The following CACNB2 variants were observed in gnomAD, a reference collection of about 807,000 sequenced individuals.
CACNB2 encodes the protein calcium voltage-gated channel auxiliary subunit beta 2.
CACNB2 carries 42 observed loss-of-function variants against 73.3 expected under a neutral mutation model. The ratio of observed to expected loss-of-function variants is 0.57; its 90% confidence interval spans 0.45 to 0.74. CACNB2 has a LOEUF of 0.74. CACNB2 is among the 30% of genes least tolerant of loss of function. The pLI, the probability that CACNB2 is intolerant of heterozygous loss-of-function variation, is 0.00. For missense variants in CACNB2, 940 were observed against 853.0 expected, an observed-to-expected ratio of 1.10 and a Z score of -1.27; for synonymous variants, 348 against 310.3, an observed-to-expected ratio of 1.12 and a Z score of -1.28.
At chr10:18,163,175 C>CA (rs1249017597) in intron 2 of CACNB2, among the ~76,000 whole-genome samples, 1 of 152,142 alleles carries the variant, frequency 6.6e-6, no homozygotes, top group East Asian at 1.9e-4. Context: ...GCATGCTGAC[C>CA]ATGTGCTAGC....
intron 3 of CACNB2, among the ~76,000 whole-genome samples, chr10:18,420,328 C>G (rs905228994): frequency 1.6e-5 from 2 of 128,736 alleles, no homozygotes; most frequent in African/African-American, 2.7e-5. Flanking sequence ...CACACACACA[C>G]ACAGAGAGAG....
intron 6 of CACNB2, among the ~76,000 whole-genome samples, chr10:18,509,738 C>A (rs1418531873): frequency 6.6e-6 from 1 of 152,058 alleles, no homozygotes; most frequent in African/African-American, 2.4e-5. Flanking sequence ...TGCACTGAGC[C>A]ATGATTATGT....
chr10:18,174,326 C>G (rs913233690), intron 2 of CACNB2, among the ~76,000 whole-genome samples: 1 of 143,838 alleles, frequency 7.0e-6, no homozygotes, highest in Admixed American at 7.1e-5. Context: ...CCTCCCCCCT[C>G]TTTTCTTTTC....
chr10:18,420,545 CCTT>C (rs2045263622), intron 3 of CACNB2, among the ~76,000 whole-genome samples: 2 of 152,258 alleles, frequency 1.3e-5, no homozygotes, highest in South Asian at 4.1e-4. Flanking sequence ...GTGAATTCCT[CCTT>C]CTTCTACCTT....
chr10:18,339,896 T>C (rs1249756746), intron 2 of CACNB2, among the ~76,000 whole-genome samples: 1 of 152,196 alleles, frequency 6.6e-6, no homozygotes, highest in Non-Finnish European at 1.5e-5. Context: ...CTGTGGGCCA[T>C]AGCTTGCCAT....
chr10:18,530,343 T>C (rs986460922), intron 10 of CACNB2, among the ~76,000 whole-genome samples: 3 of 152,096 alleles, frequency 2.0e-5, no homozygotes, highest in East Asian at 1.9e-4. Flanking sequence ...CTCTTTCTCA[T>C]AGTGTTTGTT....
rs546385672 is a variant in CACNB2, at chr10:18,482,606, G to T, written c.334-15749G>T. ...GTTCACTGCAACCTCCACCTCCCGG[G>T]TTCAAGCGATTCTCCTGCCTCAACC... is the stretch of plus-strand genomic sequence containing the variant. On this transcript the variant is annotated intron_variant, in intron 3 of 13. Transcript: ENST00000324631. Among the ~76,000 whole-genome samples the T allele has an allele frequency of 4.0e-4, 61 of 152,272 alleles. 1 individual carries two copies. Among genetic ancestry groups the T allele is most frequent in the South Asian group, 3.7e-3 (18 of 4,824 alleles).
intron 3 of CACNB2, among the ~76,000 whole-genome samples, chr10:18,481,315 C>T (rs1364001662): frequency 9.5e-5 from 12 of 126,144 alleles, no homozygotes; most frequent in African/African-American, 3.0e-4. Flanking sequence ...GGCATGATCT[C>T]GGCTCACTGC....
At chr10:18,461,246 C>A (rs913979770) in intron 3 of CACNB2, among the ~76,000 whole-genome samples, 1 of 152,184 alleles carries the variant, frequency 6.6e-6, no homozygotes, top group Non-Finnish European at 1.5e-5. Context: ...AGCATCCCTT[C>A]TTCAATTACA....
rs2051164556 is a variant in CACNB2 at position 18,515,295 on chromosome 10, T to C, written c.804+926T>C. Among the ~76,000 whole-genome samples the C allele has an allele frequency of 2.0e-5, 3 of 151,522 alleles. No homozygotes were observed. In the Admixed American group the frequency reaches 2.0e-4, roughly 10 times the overall value. ...TTTTGTAGCTTTAAAGCATTATTTT[T>C]TAAGGACCACTAACCTCCCCCCAAA... On this transcript the variant is annotated intron_variant, in intron 7 of 13. Coordinates refer to ENST00000324631, the MANE Select transcript of CACNB2 (RefSeq NM_201596.3).
Position 18,465,675 on chromosome 10 carries a change from ACTT to A in CACNB2, c.334-32673_334-32671del, listed in dbSNP as rs976168412. 6.2e-5 allele frequency among the ~76,000 whole-genome samples: 9 copies of A among 144,898 alleles called. No individual in the cohort carries two copies. In the South Asian group the frequency reaches 6.6e-4, roughly 11 times the overall value. The stretch of plus-strand genomic sequence containing the variant: ...ATCCCAAAGATAAGTACGTCATCCA[ACTT>A]CTTCTTTTTTTTTTTTTTTTCAAGA... On this transcript the variant is annotated intron_variant, in intron 3 of 13. Coordinates refer to ENST00000324631, the MANE Select transcript of CACNB2 (RefSeq NM_201596.3).
chr10:18,495,331 T>C (rs978845265), intron 3 of CACNB2, among the ~76,000 whole-genome samples: 16 of 151,704 alleles, frequency 1.1e-4, no homozygotes, highest in African/African-American at 3.9e-4. Context: ...GTGATTCTCC[T>C]GTCTCAGCCT....
At chr10:18,488,584 C>T (rs1054060297) in intron 3 of CACNB2, among the ~76,000 whole-genome samples, 3 of 151,214 alleles carry the variant, frequency 2.0e-5, no homozygotes, top group African/African-American at 7.3e-5. Flanking sequence ...AATAGGTTAC[C>T]TTTATGAGGG....
chr10:18,471,031 G>C (rs958518175), intron 3 of CACNB2, among the ~76,000 whole-genome samples: 1 of 152,142 alleles, frequency 6.6e-6, no homozygotes, highest in Non-Finnish European at 1.5e-5. Context: ...AGGGCCGGGT[G>C]CGGTGGGTCA....
rs532188778 is a variant in CACNB2, at chr10:18,437,861, G to C, written c.333+35818G>C. ...ATTATTTATGGCTAGATCTTTTAAAGAGTTTTTGTAATCGAGGCAAATTGA... is the reference window on the plus strand; with the variant it reads ...ATTATTTATGGCTAGATCTTTTAAACAGTTTTTGTAATCGAGGCAAATTGA... On this transcript the variant is annotated intron_variant, in intron 3 of 13. Coordinates refer to ENST00000324631, the MANE Select transcript of CACNB2 (RefSeq NM_201596.3). Among the ~76,000 whole-genome samples the C allele has an allele frequency of 5.9e-5, 9 of 152,176 alleles. No individual in the cohort carries two copies. In the East Asian group the frequency reaches 1.7e-3, roughly 29 times the overall value.
At chr10:18,411,014 C>T (rs760418522) in intron 3 of CACNB2, among the ~76,000 whole-genome samples, 5 of 151,976 alleles carry the variant, frequency 3.3e-5, no homozygotes, top group South Asian at 2.1e-4. Flanking sequence ...AATCCAGCAG[C>T]GATACCTTAT....
At chr10:18,431,312 A>G (rs888317518) in intron 3 of CACNB2, among the ~76,000 whole-genome samples, 4 of 151,920 alleles carry the variant, frequency 2.6e-5, no homozygotes, top group Non-Finnish European at 5.9e-5. Flanking sequence ...TAAAACAACC[A>G]CACAGTGTTG....
chr10:18,533,077 A>G (rs1366469496), intron 10 of CACNB2: 1 of 152,148 alleles, frequency 6.6e-6, no homozygotes, highest in East Asian at 1.9e-4. Flanking sequence ...ATCTCCAGGA[A>G]GCTTCTGGCA....
intron 2 of CACNB2, among the ~76,000 whole-genome samples, chr10:18,205,688 G>T (rs1212276956): frequency 6.6e-6 from 1 of 152,130 alleles, no homozygotes. Context: ...TCTTAGAATT[G>T]GATGGGGTCC....
Sources: gnomAD v4.1 joint callset for allele counts (sites outside exome capture counted in the v4.1 genomes callset) on GRCh38, gnomAD v4.1.1 for gene constraint, MANE v1.5 for transcripts, NCBI Gene and HGNC (gene_info 2026-07-23, HGNC 2026-07-21) for gene names.